The following ZNF599 variants were observed in gnomAD, a reference collection of about 807,000 sequenced individuals.
ZNF599 encodes the protein zinc finger protein 599.
Under a neutral mutation model 11.7 loss-of-function variants are expected in ZNF599, and 10 were observed. That is an observed-to-expected ratio of 0.86 (90% CI 0.53 to 1.45). The LOEUF is 1.45. ZNF599 is among the 40% of genes most tolerant of loss of function. The pLI, the probability that ZNF599 is intolerant of heterozygous loss-of-function variation, is 0.00. For missense variants in ZNF599, 688 were observed against 713.6 expected (o/e 0.96, Z 0.41); for synonymous variants, 232 against 253.2 (o/e 0.92, Z 0.79).
At position 34,772,568 on chromosome 19, in the gene ZNF599, G is replaced by A; in HGVS notation, c.18+256C>T. ...CGCATTTTAGACCCGAGGGAATGGA[G>A]GCCGAGGGCAGCGAGGCGACAGCTC... is the stretch of plus-strand genomic sequence containing the variant. On this transcript the variant is annotated intron_variant, in intron 1 of 3. Coordinates refer to ENST00000329285, the MANE Select transcript of ZNF599 (RefSeq NM_001007248.3). 3.7e-6 allele frequency: 5 copies of A among 1,340,568 alleles called. No individual in the cohort carries two copies. The South Asian group carries it at 7.6e-5, about 20-fold the overall frequency. The allele number at this position is 1,340,568 out of a possible 1,614,324, so 83.0% of individuals were successfully genotyped here.
the ZNF599 span, among the ~76,000 whole-genome samples, chr19:34,798,356 G>A: frequency 6.6e-6 from 1 of 152,114 alleles, no homozygotes; most frequent in African/African-American, 2.4e-5. Context: ...TACTAACCAT[G>A]CATATGCCAT....
At position 34,759,888 on chromosome 19, in the gene ZNF599, G is replaced by C. The variant is rs781365867; in HGVS notation, c.913C>G (p.His305Asp). 9 of 1,614,130 alleles carry C rather than the reference G, an allele frequency of 5.6e-6. No homozygotes were observed. The South Asian group carries it at 9.9e-5, about 18-fold the overall frequency. Residue 305 changes from histidine (H) to aspartate (D), a missense_variant, in exon 4 of 4, where the codon CAC becomes GAC. Transcript: ENST00000329285. ...RSSFIQHNMT[H>D]TREKPFLCKE... is the part of the protein sequence containing the mutation. ...CATAAAAAGGGTTTTTCTCGAGTGT[G>C]AGTCATATTATGCTGGATAAAAGAA...
the ZNF599 span, among the ~76,000 whole-genome samples, chr19:34,790,219 G>C: frequency 2.8e-3 from 422 of 152,212 alleles, 1 homozygote; most frequent in African/African-American, 0.01. Context: ...TGTCACAAAA[G>C]GCTTTCTGAC....
chr19:34,767,926 C>A (rs1174209425), intron 2 of ZNF599, among the ~76,000 whole-genome samples: 1 of 152,168 alleles, frequency 6.6e-6, no homozygotes, highest in Non-Finnish European at 1.5e-5. Context: ...CAGGGCTTCT[C>A]ATTAGGTAAA....
chr19:34,764,874 C>T (rs1568493499), intron 3 of ZNF599: 1 of 151,954 alleles, frequency 6.6e-6, no homozygotes, highest in African/African-American at 2.4e-5. Flanking sequence ...GATTTGTACA[C>T]TTATTATGTA....
the ZNF599 span, among the ~76,000 whole-genome samples, chr19:34,795,570 G>A: frequency 6.6e-6 from 1 of 152,072 alleles, no homozygotes. Context: ...GTGAGCCACT[G>A]TGCTTGGCCT....
rs145401547 is a variant in ZNF599, at chr19:34,759,297, T to C, written c.1504A>G (p.Thr502Ala). 3 of 1,614,124 alleles carry C rather than the reference T, an allele frequency of 1.9e-6. No individual in the cohort carries two copies. The highest frequency in any genetic ancestry group is 2.5e-6 in the Non-Finnish European group (3 of 1,180,050). ...CTACAAACATAGGGCTTCTCTCCAG[T>C]GTGAATCCTCATGTGTCGAGTGAAG... ...SSFTRHMRIH[T>A]GEKPYVCREC... The change falls in exon 4 of 4, where the codon ACT (threonine) becomes GCT (alanine). Residue 502 changes from threonine (T) to alanine (A), a missense_variant. Thr to Ala is a moderately conservative substitution (Grantham distance 58). Coordinates refer to ENST00000329285, the MANE Select transcript of ZNF599 (RefSeq NM_001007248.3).
chr19:34,803,751 T>C, the ZNF599 span, among the ~76,000 whole-genome samples: 1 of 152,096 alleles, frequency 6.6e-6, no homozygotes, highest in African/African-American at 2.4e-5. Context: ...GCCAAGAAAT[T>C]ACCAGGAAGT....
chr19:34,801,030 T>C, the ZNF599 span, among the ~76,000 whole-genome samples: 1 of 152,262 alleles, frequency 6.6e-6, no homozygotes, highest in Admixed American at 6.5e-5. Context: ...GTGTTTTTAC[T>C]ACTTTTATCA....
At chr19:34,798,354 A>G in the ZNF599 span, among the ~76,000 whole-genome samples, 52 of 152,286 alleles carry the variant, frequency 3.4e-4, no homozygotes, top group African/African-American at 1.2e-3. Context: ...TATACTAACC[A>G]TGCATATGCC....
chr19:34,773,375 C>G (rs1460441347), upstream of ZNF599: 2 of 151,984 alleles, frequency 1.3e-5, no homozygotes, highest in African/African-American at 4.9e-5. Flanking sequence ...GAGGCGGCTT[C>G]TCAAGGCTCC....
the ZNF599 span, among the ~76,000 whole-genome samples, chr19:34,793,738 G>T: frequency 6.6e-6 from 1 of 152,184 alleles, no homozygotes; most frequent in Non-Finnish European, 1.5e-5. Context: ...GCTACAGAGG[G>T]CAGGAAAATG....
upstream of ZNF599, among the ~76,000 whole-genome samples, chr19:34,777,408 A>G: frequency 1.1e-5 from 1 of 93,728 alleles, no homozygotes; most frequent in Admixed American, 1.7e-4. Flanking sequence ...TATATTATAT[A>G]TAATATATAT....
At chr19:34,765,543 G>A (rs1442277457) in intron 3 of ZNF599, 3 of 702,548 alleles carry the variant, frequency 4.3e-6, no homozygotes, top group Non-Finnish European at 7.8e-6. Flanking sequence ...AATAGTAGAT[G>A]GCTAATACAC....
chr19:34,794,173 C>A, the ZNF599 span, among the ~76,000 whole-genome samples: 2 of 152,122 alleles, frequency 1.3e-5, no homozygotes, highest in Non-Finnish European at 2.9e-5. Flanking sequence ...ATGGGAAAGA[C>A]CCCTCCCCGC....
the ZNF599 span, among the ~76,000 whole-genome samples, chr19:34,785,151 C>CA: frequency 6.6e-6 from 1 of 151,974 alleles, no homozygotes; most frequent in Non-Finnish European, 1.5e-5. Context: ...ATTGGTGGCA[C>CA]ATCTGTCCTT....
At chr19:34,797,266 A>C in the ZNF599 span, among the ~76,000 whole-genome samples, 1 of 152,192 alleles carries the variant, frequency 6.6e-6, no homozygotes, top group African/African-American at 2.4e-5. Context: ...TAGTGCCGCA[A>C]TAAACATACG....
At chr19:34,787,904 G>A in the ZNF599 span, among the ~76,000 whole-genome samples, 70 of 152,214 alleles carry the variant, frequency 4.6e-4, no homozygotes, top group Middle Eastern at 6.8e-3. Flanking sequence ...CATTACAGTC[G>A]GCCCTCTGTA....
the ZNF599 span, among the ~76,000 whole-genome samples, chr19:34,802,657 A>G: frequency 6.6e-6 from 1 of 152,182 alleles, no homozygotes; most frequent in African/African-American, 2.4e-5. Context: ...TGGGAGAAGA[A>G]AGGTAGAAAT....
Sources: gnomAD v4.1 joint callset for allele counts (sites outside exome capture counted in the v4.1 genomes callset) on GRCh38, gnomAD v4.1.1 for gene constraint, MANE v1.5 for transcripts, NCBI Gene and HGNC (gene_info 2026-07-23, HGNC 2026-07-21) for gene names.